Variants in TFEC observed in about 807,000 individuals in gnomAD.
TFEC encodes the protein class E basic helix-loop-helix protein 34.
TFEC carries 31 observed loss-of-function variants against 41.6 expected under a neutral mutation model. The observed-to-expected ratio is 0.74, with a 90% CI of 0.56 to 1.01. The LOEUF is 1.01. Among genes scored for constraint, TFEC ranks in the 50% least tolerant of loss-of-function variants. The pLI, the probability that TFEC is intolerant of heterozygous loss-of-function variation, is 0.00. For missense variants in TFEC, 402 were observed against 404.1 expected (o/e 0.99, Z 0.04); for synonymous variants, 143 against 140.6 (o/e 1.02, Z -0.12).
At chr7:115,960,168 C>G (rs1414860183) in intron 3 of TFEC, among the ~76,000 whole-genome samples, 1 of 150,984 alleles carries the variant, frequency 6.6e-6, no homozygotes, top group South Asian at 2.1e-4. Context: ...AGATTGTGTA[C>G]AAAGAACAAA....
chr7:116,115,679 G>A (rs909922106), intron 1 of TFEC, among the ~76,000 whole-genome samples: 8 of 151,964 alleles, frequency 5.3e-5, no homozygotes, highest in Non-Finnish European at 1.0e-4. Flanking sequence ...GCCATGTATA[G>A]TAACATCCAC....
intron 1 of TFEC, among the ~76,000 whole-genome samples, chr7:116,156,534 T>A (rs763811561): frequency 6.6e-6 from 1 of 152,178 alleles, no homozygotes; most frequent in Non-Finnish European, 1.5e-5. Flanking sequence ...ACTACACCCA[T>A]CCTCAGCCTT....
At chr7:116,143,517 T>C (rs1798581980) in intron 1 of TFEC, among the ~76,000 whole-genome samples, 1 of 152,084 alleles carries the variant, frequency 6.6e-6, no homozygotes, top group African/African-American at 2.4e-5. Context: ...CAGTCCAGGG[T>C]TTCCCAGCTG....
chr7:116,145,440 C>A (rs529535729), intron 1 of TFEC, among the ~76,000 whole-genome samples: 3 of 152,162 alleles, frequency 2.0e-5, no homozygotes, highest in Non-Finnish European at 4.4e-5. Context: ...AGGCAGCACT[C>A]ATCAACTCAC....
At chr7:115,958,945 G>T (rs1280914690) in intron 3 of TFEC, among the ~76,000 whole-genome samples, 1 of 151,796 alleles carries the variant, frequency 6.6e-6, no homozygotes, top group East Asian at 1.9e-4. Context: ...TAAGAGTCCA[G>T]TGTTAGTGAA....
chr7:116,012,273 T>C (rs1795030427), intron 1 of TFEC, among the ~76,000 whole-genome samples: 1 of 152,172 alleles, frequency 6.6e-6, no homozygotes, highest in East Asian at 1.9e-4. Flanking sequence ...AAGGCTTTTA[T>C]AAAGCAAAAG....
chr7:116,067,519 G>C (rs955666446), intron 3 of TFEC, among the ~76,000 whole-genome samples: 1 of 152,004 alleles, frequency 6.6e-6, no homozygotes, highest in Non-Finnish European at 1.5e-5. Context: ...CATTTAGCTT[G>C]ACTGGTTTTC....
At chr7:116,140,915 T>A (rs1798527618) in intron 1 of TFEC, among the ~76,000 whole-genome samples, 1 of 152,208 alleles carries the variant, frequency 6.6e-6, no homozygotes, top group Non-Finnish European at 1.5e-5. Flanking sequence ...CTAGCAATCT[T>A]TCTGGGCTGT....
intron 1 of TFEC, among the ~76,000 whole-genome samples, chr7:116,156,200 G>GA (rs1798868111): frequency 6.6e-6 from 1 of 151,918 alleles, no homozygotes; most frequent in Non-Finnish European, 1.5e-5. Context: ...TGGAAAGACA[G>GA]AAACAGCAGG....
At chr7:116,106,771 A>G (rs1462842685) in intron 3 of TFEC, among the ~76,000 whole-genome samples, 2 of 152,202 alleles carry the variant, frequency 1.3e-5, no homozygotes, top group East Asian at 3.9e-4. Flanking sequence ...CAAGAAATGT[A>G]ATCACATAGT....
chr7:115,994,934 C>G (rs1794293850), intron 1 of TFEC, among the ~76,000 whole-genome samples: 1 of 152,044 alleles, frequency 6.6e-6, no homozygotes, highest in Non-Finnish European at 1.5e-5. Flanking sequence ...ATAGCAAAGA[C>G]CTGGAACCAA....
At chr7:115,977,748 G>A (rs1793448820) in intron 2 of TFEC, among the ~76,000 whole-genome samples, 1 of 151,830 alleles carries the variant, frequency 6.6e-6, no homozygotes, top group African/African-American at 2.4e-5. Context: ...TATTTCTATA[G>A]ATAAGTACAT....
intron 3 of TFEC, among the ~76,000 whole-genome samples, chr7:116,090,397 G>A (rs1797298509): frequency 1.3e-5 from 2 of 152,102 alleles, no homozygotes; most frequent in African/African-American, 4.8e-5. Context: ...CTCCCACACT[G>A]TGGAGTGTAC....
At chr7:115,990,337 G>A (rs770368710) in intron 1 of TFEC, among the ~76,000 whole-genome samples, 7 of 152,170 alleles carry the variant, frequency 4.6e-5, no homozygotes, top group South Asian at 4.1e-4. Context: ...CCAAAGGAGC[G>A]CGGCTCCTCA....
At chr7:116,041,453 G>A (rs1309960747) in intron 3 of TFEC, among the ~76,000 whole-genome samples, 1 of 152,074 alleles carries the variant, frequency 6.6e-6, no homozygotes, top group Non-Finnish European at 1.5e-5. Context: ...GGAACGCAGT[G>A]ATTTAAAAAA....
chr7:115,950,960 A>G lies in TFEC; in HGVS notation c.440-11T>C. 2 of 1,520,960 alleles carry G rather than the reference A, an allele frequency of 1.3e-6. No individual in the cohort carries two copies. Among genetic ancestry groups the G allele is most frequent in the East Asian group, 4.6e-5 (2 of 43,856 alleles). The allele number at this position is 1,520,960 out of a possible 1,614,324, so 94.2% of individuals were successfully genotyped here. On this transcript the variant is annotated splice_polypyrimidine_tract_variant and intron_variant, in intron 5 of 7. Coordinates refer to ENST00000265440, the MANE Select transcript of TFEC (RefSeq NM_012252.4). ...TTCTTCTTCTTTCAACTATTAAAGA[A>G]GAAATATTATTGATTATTCTCATTA...
At chr7:116,112,630 C>T (rs897047284) in intron 1 of TFEC, among the ~76,000 whole-genome samples, 4 of 151,836 alleles carry the variant, frequency 2.6e-5, no homozygotes, top group African/African-American at 9.7e-5. Context: ...TAGAAAGAGA[C>T]TAATGTTTTC....
At chr7:116,028,366 A>G (rs542794359) in intron 1 of TFEC, among the ~76,000 whole-genome samples, 1 of 152,336 alleles carries the variant, frequency 6.6e-6, no homozygotes. Context: ...ACAATTCTAT[A>G]TAATAAGGAA....
intron 3 of TFEC, among the ~76,000 whole-genome samples, chr7:115,967,090 A>T (rs1792890377): frequency 6.6e-6 from 1 of 151,712 alleles, no homozygotes; most frequent in South Asian, 2.1e-4. Flanking sequence ...GTGTATATAC[A>T]TATACATATA....
Sources: gnomAD v4.1 joint callset for allele counts (sites outside exome capture counted in the v4.1 genomes callset) on GRCh38, gnomAD v4.1.1 for gene constraint, MANE v1.5 for transcripts, NCBI Gene and HGNC (gene_info 2026-07-23, HGNC 2026-07-21) for gene names.